The following TXLNG variants were observed in gnomAD, a reference collection of about 807,000 sequenced individuals.
TXLNG encodes the protein taxilin gamma.
TXLNG carries 5 observed loss-of-function variants against 38.8 expected under a neutral mutation model. The ratio of observed to expected loss-of-function variants is 0.13; its 90% CI spans 0.07 to 0.27. The LOEUF (loss-of-function observed/expected upper bound fraction) is 0.27. TXLNG is among the 10% of genes least tolerant of loss of function. The pLI, the probability that TXLNG is intolerant of heterozygous loss-of-function variation, is 1.00. For synonymous variants in TXLNG, 182 were observed against 158.2 expected (o/e 1.15, Z -1.13); for missense variants, 393 against 398.2 (o/e 0.99, Z 0.11).
In TXLNG at chrX:16,841,609, T is replaced by C. The variant is rs1161961615; in HGVS notation, c.1430T>C (p.Met477Thr). The C allele has an allele frequency of 8.3e-7, 1 of 1,211,691 alleles. No individual in the cohort carries two copies. Among genetic ancestry groups the C allele is most frequent in the Non-Finnish European group, 1.1e-6 (1 of 895,551 alleles). The change falls in exon 10 of 10, where the codon ATG becomes ACG. Residue 477 changes from methionine (M) to threonine (T), a missense_variant. Met to Thr is a moderately conservative substitution (Grantham distance 81, BLOSUM62 -1). Transcript: ENST00000380122. Reference protein sequence around the residue: ...AANRDLATPVMQPCTALDSHK... With the variant: ...AANRDLATPVTQPCTALDSHK... ...AACAGGGATTTAGCAACACCTGTGA[T>C]GCAGCCCTGTACTGCCCTGGATTCT... is the stretch of plus-strand genomic sequence containing the variant.
intron 5 of TXLNG, among the ~76,000 whole-genome samples, chrX:16,830,222 G>GA (rs1324034772): frequency 3.7e-5 from 4 of 107,661 alleles, no homozygotes; most frequent in Non-Finnish European, 5.8e-5. Context: ...TATTTGGGAG[G>GA]AAAAACCTAC....
At chrX:16,813,468 C>T (rs1351160835) in intron 1 of TXLNG, among the ~76,000 whole-genome samples, 1 of 106,414 alleles carries the variant, frequency 9.4e-6, no homozygotes, top group Non-Finnish European at 1.9e-5. Context: ...CATAGCGAGA[C>T]TCTCCCTCTA....
At chrX:16,808,531 G>A (rs956443497) in intron 1 of TXLNG, among the ~76,000 whole-genome samples, 4 of 111,524 alleles carry the variant, frequency 3.6e-5, no homozygotes, top group Non-Finnish European at 7.5e-5. Context: ...TGAAAGTCTT[G>A]TCCCCACTCA....
chrX:16,824,088 G>T (rs1490148046), intron 3 of TXLNG, among the ~76,000 whole-genome samples: 1 of 112,100 alleles, frequency 8.9e-6, no homozygotes, highest in East Asian at 2.8e-4. Flanking sequence ...TGGTTATCCT[G>T]GCCAGATATG....
At position 16,837,633 on chromosome X, in the gene TXLNG, C is replaced by G. The variant is rs1451283795; in HGVS notation, c.1100C>G (p.Thr367Ser). The G allele has an allele frequency of 1.7e-6, 2 of 1,205,396 alleles. No individual in the cohort carries two copies. The highest frequency in any genetic ancestry group is 2.2e-6 in the Non-Finnish European group (2 of 892,891). ...YMDKFEEFQTTMAKSNELFTT... is the reference protein window; with the variant it reads ...YMDKFEEFQTSMAKSNELFTT... ...GATAAGTTTGAAGAATTCCAGACTA[C>G]CATGGCAAAAAGCAATGAACTGTTT... Residue 367 changes from threonine to serine, a missense_variant, in exon 8 of 10, where the codon ACC (threonine) becomes AGC (serine). Transcript: ENST00000380122.
chrX:16,787,919 T>C (rs1204694891), intron 1 of TXLNG, among the ~76,000 whole-genome samples: 1 of 112,087 alleles, frequency 8.9e-6, no homozygotes, highest in Non-Finnish European at 1.9e-5. Flanking sequence ...AGAATTAGCT[T>C]TTTGGGGCCT....
intron 1 of TXLNG, among the ~76,000 whole-genome samples, chrX:16,796,850 C>T (rs12393770): frequency 0.042 from 4,733 of 111,370 alleles, 269 homozygotes; most frequent in African/African-American, 0.15. Flanking sequence ...GACAGCAGTT[C>T]TCAAACTTCG....
At chrX:16,806,769 T>C (rs1928341227) in intron 1 of TXLNG, among the ~76,000 whole-genome samples, 1 of 108,670 alleles carries the variant, frequency 9.2e-6, no homozygotes, top group Non-Finnish European at 1.9e-5. Context: ...TACAAAAAAT[T>C]AGCTGGATGT....
rs1928830004 is a variant in TXLNG, at chrX:16,818,683, G to T, written c.212G>T (p.Cys71Phe). The part of the protein sequence containing the change: ...NDILQHQGSN[C>F]GGTSNKHSLE... ...ATTCTTCAACATCAAGGCTCAAATT[G>T]TGGTGGCACAAGTAACAAGCATTCA... Residue 71 changes from cysteine (C) to phenylalanine (F), a missense_variant, in exon 2 of 10, where the codon TGT (cysteine) becomes TTT (phenylalanine). Physicochemically the swap from Cys to Phe is radical, Grantham distance 205. Transcript: ENST00000380122. 1 of 1,210,370 alleles carries T rather than the reference G, an allele frequency of 8.3e-7. No individual in the cohort carries two copies. The highest frequency in any genetic ancestry group is 2.2e-5 in the Admixed American group (1 of 45,681).
chrX:16,818,946 A>G, intron 2 of TXLNG, 69 bp downstream of exon 2: 4 of 1,084,250 alleles, frequency 3.7e-6, no homozygotes, highest in Non-Finnish European at 4.9e-6. Context: ...TGCAGCCCAG[A>G]TAATTTTGAA....
At chrX:16,820,996 C>G (rs1253200962) in intron 3 of TXLNG, among the ~76,000 whole-genome samples, 1 of 109,689 alleles carries the variant, frequency 9.1e-6, no homozygotes, top group African/African-American at 3.3e-5. Flanking sequence ...GTCTTGATCT[C>G]CTGACCTCGT....
At chrX:16,817,542 G>A (rs1202387419) in intron 1 of TXLNG, among the ~76,000 whole-genome samples, 1 of 111,910 alleles carries the variant, frequency 8.9e-6, no homozygotes, top group Non-Finnish European at 1.9e-5. Flanking sequence ...TGTGATAAGA[G>A]AAGGATACTA....
chrX:16,831,798 C>T (rs1174303408), intron 5 of TXLNG, among the ~76,000 whole-genome samples: 1 of 111,695 alleles, frequency 9.0e-6, no homozygotes, highest in Non-Finnish European at 1.9e-5. Context: ...CTTGCAGGCG[C>T]TCTCTTGAGA....
At chrX:16,797,802 G>C (rs997374566) in intron 1 of TXLNG, among the ~76,000 whole-genome samples, 6 of 112,513 alleles carry the variant, frequency 5.3e-5, no homozygotes, top group Admixed American at 2.8e-4. Flanking sequence ...ACCATTGGGG[G>C]CCATGGCAGA....
chrX:16,816,342 G>T (rs1375347117), intron 1 of TXLNG, among the ~76,000 whole-genome samples: 1 of 111,910 alleles, frequency 8.9e-6, no homozygotes, highest in Non-Finnish European at 1.9e-5. Context: ...TCTTACAAAT[G>T]ATTTTTCCTA....
intron 7 of TXLNG, among the ~76,000 whole-genome samples, chrX:16,834,834 C>T (rs1206514231): frequency 8.9e-6 from 1 of 112,597 alleles, no homozygotes. Context: ...ATATAGTGAA[C>T]TCTAATATCT....
At chrX:16,819,060 G>C (rs1328111603) in intron 2 of TXLNG, among the ~76,000 whole-genome samples, 183 bp downstream of exon 2, 3 of 110,237 alleles carry the variant, frequency 2.7e-5, no homozygotes, top group African/African-American at 9.9e-5. Context: ...CAGCAGAGAG[G>C]ACGCTTAGTT....
At chrX:16,813,367 C>G (rs777837638) in intron 1 of TXLNG, among the ~76,000 whole-genome samples, 12 of 110,467 alleles carry the variant, frequency 1.1e-4, no homozygotes, top group Non-Finnish European at 2.1e-4. Context: ...GTGAGCTGCG[C>G]GTGGTGGCTC....
intron 1 of TXLNG, among the ~76,000 whole-genome samples, chrX:16,803,634 C>T (rs1289992472): frequency 1.9e-5 from 2 of 102,612 alleles, no homozygotes; most frequent in African/African-American, 7.0e-5. Context: ...TGAACCACTG[C>T]GCCTGGCCAA....
Sources: gnomAD v4.1 joint callset for allele counts (sites outside exome capture counted in the v4.1 genomes callset) on GRCh38, gnomAD v4.1.1 for gene constraint, MANE v1.5 for transcripts, NCBI Gene and HGNC (gene_info 2026-07-23, HGNC 2026-07-21) for gene names.